The following PPP3CA variants were observed in gnomAD, a reference collection of about 807,000 sequenced individuals.
The protein encoded by PPP3CA is protein phosphatase 3 catalytic subunit alpha, also known as CAM-PRP catalytic subunit.
A neutral mutation model predicts 66.5 loss-of-function variants in PPP3CA; 14 were observed. That is an observed-to-expected ratio of 0.21 (90% CI 0.14 to 0.33). The LOEUF (loss-of-function observed/expected upper bound fraction) is 0.33, where lower values mean the gene tolerates loss of function less well. Ranked by LOEUF, PPP3CA falls within the 10% of genes least tolerant of loss-of-function variation. PPP3CA has a pLI of 1.00. For synonymous variants in PPP3CA, 232 were observed against 226.2 expected, an observed-to-expected ratio of 1.03 and a Z score of -0.23; for missense variants, 317 against 639.5, an observed-to-expected ratio of 0.50 and a Z score of 5.44.
At chr4:101,083,330 T>C (rs532756479) in intron 6 of PPP3CA, 67 bp from the exon 7 acceptor site, 1 of 1,284,690 alleles carries the variant, frequency 7.8e-7, no homozygotes, top group Non-Finnish European at 1.1e-6. Context: ...CATTTATCTC[T>C]AACATCCAGA....
chr4:101,235,574 A>G (rs1726101322), intron 1 of PPP3CA, among the ~76,000 whole-genome samples: 1 of 151,908 alleles, frequency 6.6e-6, no homozygotes, highest in Non-Finnish European at 1.5e-5. Context: ...TATGAATTCC[A>G]TGAAGAAAGA....
chr4:101,259,814 C>T (rs1021634255), intron 1 of PPP3CA, among the ~76,000 whole-genome samples: 4 of 152,248 alleles, frequency 2.6e-5, no homozygotes, highest in South Asian at 2.1e-4. Context: ...TTCTGCCACA[C>T]GCTCTCTTCT....
At position 101,244,204 on chromosome 4, in the gene PPP3CA, C is replaced by T. The variant is rs183414286; in HGVS notation, c.59-48088G>A. ...TGATTTCTGTATACAAGTTAGTTTC[C>T]TAAAATGCCTTCTATAGAAAAGTCA... is the stretch of plus-strand genomic sequence containing the variant. On this transcript the variant is annotated intron_variant, in intron 1 of 13. Coordinates refer to ENST00000394854, the MANE Select transcript of PPP3CA (RefSeq NM_000944.5). 4.1e-3 allele frequency among the ~76,000 whole-genome samples: 624 copies of T among 152,104 alleles called. 4 individuals are homozygous for T. The highest frequency in any genetic ancestry group is 0.014 in the African/African-American group (597 of 41,504).
At chr4:101,246,268 G>T (rs1726476627) in intron 1 of PPP3CA, among the ~76,000 whole-genome samples, 1 of 152,200 alleles carries the variant, frequency 6.6e-6, no homozygotes, top group Non-Finnish European at 1.5e-5. Flanking sequence ...CCCATATAGA[G>T]TGAGATATCA....
rs538343340 is a variant in PPP3CA, at chr4:101,127,421, T to C, written c.260-18343A>G. On this transcript the variant is annotated intron_variant, in intron 2 of 13. Coordinates refer to ENST00000394854, the MANE Select transcript of PPP3CA (RefSeq NM_000944.5). ...TAATCCAATATAACTGGTGTCTTTATAATTAAAGAAACACTTGAACACAGG... is the reference window on the plus strand; with the variant it reads ...TAATCCAATATAACTGGTGTCTTTACAATTAAAGAAACACTTGAACACAGG... Among the ~76,000 whole-genome samples the C allele has an allele frequency of 3.3e-5, 5 of 152,072 alleles. No individual in the cohort carries two copies. In the East Asian group the frequency reaches 7.8e-4, roughly 24 times the overall value.
intron 2 of PPP3CA, among the ~76,000 whole-genome samples, chr4:101,164,223 C>G (rs1723614815): frequency 6.7e-6 from 1 of 148,232 alleles, no homozygotes; most frequent in African/African-American, 2.5e-5. Flanking sequence ...CACCCTCACC[C>G]TGCCACTCCC....
chr4:101,063,134 T>C, intron 9 of PPP3CA, 98 bp downstream of exon 9: 1 of 1,399,672 alleles, frequency 7.1e-7, no homozygotes, highest in Non-Finnish European at 9.7e-7. Context: ...GTGAATTTTA[T>C]TGGCTGGGCC....
chr4:101,233,187 T>C (rs978373), intron 1 of PPP3CA, among the ~76,000 whole-genome samples: 101,632 of 151,642 alleles, frequency 0.67, 34,966 homozygotes, highest in Middle Eastern at 0.76. Flanking sequence ...AATAGCTGTC[T>C]AGACACATGA....
intron 2 of PPP3CA, among the ~76,000 whole-genome samples, chr4:101,146,474 G>A (rs541709075): frequency 2.0e-5 from 3 of 150,466 alleles, no homozygotes; most frequent in Admixed American, 6.6e-5. Flanking sequence ...ATGGAGTCTC[G>A]CTCTGTCGCC....
intron 8 of PPP3CA, among the ~76,000 whole-genome samples, chr4:101,074,238 T>C (rs565070714): frequency 6.6e-6 from 1 of 152,154 alleles, no homozygotes; most frequent in South Asian, 2.1e-4. Context: ...GAAACAGATA[T>C]GCTACTTGGA....
intron 1 of PPP3CA, among the ~76,000 whole-genome samples, chr4:101,278,120 A>G (rs1727559901): frequency 1.3e-5 from 1 of 75,974 alleles, no homozygotes. Context: ...AAAAGCTATT[A>G]GTAAAAAAAA....
intron 1 of PPP3CA, among the ~76,000 whole-genome samples, chr4:101,217,595 T>TA (rs1378135145): frequency 6.6e-6 from 1 of 152,116 alleles, no homozygotes; most frequent in African/African-American, 2.4e-5. Flanking sequence ...CACTTCTCAA[T>TA]AGCTCAGTTT....
At chr4:101,230,564 T>TAAAA (rs902816839) in intron 1 of PPP3CA, among the ~76,000 whole-genome samples, 14 of 151,180 alleles carry the variant, frequency 9.3e-5, no homozygotes, top group Middle Eastern at 3.2e-3. Context: ...AATAAATAAA[T>TAAAA]AAAATAAAAA....
At chr4:101,085,841 C>T (rs1729644737) in intron 6 of PPP3CA, among the ~76,000 whole-genome samples, 1 of 114,002 alleles carries the variant, frequency 8.8e-6, no homozygotes, top group Non-Finnish European at 1.9e-5. Flanking sequence ...TATATACACA[C>T]ACACACACAC....
At chr4:101,121,406 T>G (rs897415496) in intron 2 of PPP3CA, among the ~76,000 whole-genome samples, 1 of 152,108 alleles carries the variant, frequency 6.6e-6, no homozygotes, top group Non-Finnish European at 1.5e-5. Flanking sequence ...TAAACAAAAA[T>G]TTTAGATGTT....
intron 1 of PPP3CA, among the ~76,000 whole-genome samples, chr4:101,265,817 G>A (rs1018226216): frequency 3.9e-5 from 6 of 152,042 alleles, no homozygotes; most frequent in Non-Finnish European, 8.8e-5. Context: ...AACTCCACTG[G>A]TCATTCACTT....
At chr4:101,107,321 C>G (rs1297318541) in intron 3 of PPP3CA, among the ~76,000 whole-genome samples, 4 of 152,146 alleles carry the variant, frequency 2.6e-5, no homozygotes, top group Non-Finnish European at 1.5e-5. Context: ...ATATTCCAGG[C>G]TTCTGATTCT....
chr4:101,067,979 T>G (rs568832860), intron 8 of PPP3CA, among the ~76,000 whole-genome samples: 1 of 152,270 alleles, frequency 6.6e-6, no homozygotes, highest in Admixed American at 6.5e-5. Context: ...GAAAAACCTG[T>G]AACTGTAATG....
At chr4:101,059,277 A>G (rs1424277017) in intron 10 of PPP3CA, among the ~76,000 whole-genome samples, 4 of 152,174 alleles carry the variant, frequency 2.6e-5, no homozygotes, top group Non-Finnish European at 5.9e-5. Flanking sequence ...AAATATGCCA[A>G]TATATTTAAG....
Sources: allele counts gnomAD v4.1 joint callset (sites outside exome capture counted in the v4.1 genomes callset), GRCh38; gene constraint gnomAD v4.1.1; transcripts MANE v1.5; gene names NCBI Gene and HGNC (gene_info 2026-07-23, HGNC 2026-07-21).